ERC2: variants seen among roughly 807,000 people sequenced by gnomAD.
ERC2 encodes ELKS/RAB6-interacting/CAST family member 2, also known as ERC protein 2.
ERC2 carries 42 observed loss-of-function variants against 114.8 expected under a neutral mutation model. The ratio of observed to expected loss-of-function variants is 0.37; its 90% CI spans 0.29 to 0.47. The LOEUF is 0.47. Among genes scored for constraint, ERC2 ranks in the 20% least tolerant of loss-of-function variants. The pLI is 0.99. For missense variants in ERC2, 939 were observed against 1,150.7 expected, an observed-to-expected ratio of 0.82 and a Z score of 2.66; for synonymous variants, 454 against 425.5, an observed-to-expected ratio of 1.07 and a Z score of -0.82.
At chr3:56,249,528 G>A (rs528578597) in intron 3 of ERC2, among the ~76,000 whole-genome samples, 69 of 151,968 alleles carry the variant, frequency 4.5e-4, no homozygotes, top group African/African-American at 1.5e-3. Context: ...GGGTTTCACT[G>A]TGTTAGCCAG....
At chr3:56,225,419 T>C (rs75467086) in intron 3 of ERC2, among the ~76,000 whole-genome samples, 4,447 of 152,300 alleles carry the variant, frequency 0.029, 70 homozygotes, top group Middle Eastern at 0.058. Context: ...CAGACAATAA[T>C]GTCACTGTGC....
chr3:55,864,128 CATATATATATACATATAT>C (rs2062161920), intron 14 of ERC2, among the ~76,000 whole-genome samples: 7 of 115,268 alleles, frequency 6.1e-5, no homozygotes, highest in Admixed American at 1.6e-4. Flanking sequence ...TACACACACA[CATATATATATACATATAT>C]ATATATATAC....
intron 13 of ERC2, among the ~76,000 whole-genome samples, chr3:55,911,102 C>T (rs1018674253): frequency 4.6e-5 from 7 of 152,146 alleles, no homozygotes; most frequent in Admixed American, 4.6e-4. Flanking sequence ...TATTTCACAA[C>T]TTCATCTAAA....
chr3:55,901,342 T>C (rs1429988457), intron 13 of ERC2, among the ~76,000 whole-genome samples: 1 of 152,038 alleles, frequency 6.6e-6, no homozygotes, highest in Admixed American at 6.5e-5. Context: ...GGTCTCCACT[T>C]AGAGTCTCAT....
intron 17 of ERC2, among the ~76,000 whole-genome samples, chr3:55,517,049 G>A (rs2052562295): frequency 1.3e-5 from 2 of 152,188 alleles, no homozygotes; most frequent in South Asian, 2.1e-4. Context: ...CCTCCTTGAG[G>A]CAAGCATTTC....
At chr3:56,207,990 G>A (rs2048842854) in intron 3 of ERC2, among the ~76,000 whole-genome samples, 1 of 152,046 alleles carries the variant, frequency 6.6e-6, no homozygotes, top group Non-Finnish European at 1.5e-5. Flanking sequence ...CTGTCTTGTA[G>A]ATGGCATTTG....
intron 2 of ERC2, among the ~76,000 whole-genome samples, chr3:56,400,011 T>A (rs2060462657): frequency 6.6e-6 from 1 of 150,386 alleles, no homozygotes; most frequent in Non-Finnish European, 1.5e-5. Context: ...AATTCTGATT[T>A]AAGCAAATTT....
chr3:55,879,274 C>T (rs1293244241), intron 14 of ERC2, among the ~76,000 whole-genome samples: 1 of 152,028 alleles, frequency 6.6e-6, no homozygotes, highest in African/African-American at 2.4e-5. Flanking sequence ...AAAATTTCCT[C>T]TGCAGCATGC....
In ERC2 at chr3:55,776,841, G is replaced by A. The variant is rs1233804515; in HGVS notation, c.2565-41923C>T. Among the ~76,000 whole-genome samples the A allele has an allele frequency of 2.6e-5, 4 of 152,164 alleles. No individual in the cohort carries two copies. In the East Asian group the frequency reaches 7.7e-4, roughly 29 times the overall value. On this transcript the variant is annotated intron_variant, in intron 14 of 17. Transcript: ENST00000288221. ...CCCAACATGGCAAACACACACAAAC[G>A]CTAGGCAGTGTGGTTGGCATTAGCA...
chr3:56,278,691 C>T (rs910740008), intron 3 of ERC2, among the ~76,000 whole-genome samples: 31 of 152,220 alleles, frequency 2.0e-4, no homozygotes, highest in African/African-American at 4.3e-4. Flanking sequence ...ACACAGGCAT[C>T]TGCTCAGCTT....
chr3:56,321,535 G>C (rs748103687), intron 2 of ERC2, among the ~76,000 whole-genome samples: 1 of 152,164 alleles, frequency 6.6e-6, no homozygotes, highest in Non-Finnish European at 1.5e-5. Context: ...GGGAACACAA[G>C]GGGGAGGCTT....
At chr3:55,710,835 C>T (rs2063740983) in intron 15 of ERC2, among the ~76,000 whole-genome samples, 1 of 152,156 alleles carries the variant, frequency 6.6e-6, no homozygotes, top group Non-Finnish European at 1.5e-5. Context: ...AATGTTAATA[C>T]TGGGCCACAT....
chr3:55,932,569 C>A (rs1427975154), intron 13 of ERC2, among the ~76,000 whole-genome samples: 1 of 152,148 alleles, frequency 6.6e-6, no homozygotes, highest in Non-Finnish European at 1.5e-5. Context: ...CTGGCTTCTG[C>A]TCTGCCTTCA....
chr3:56,357,180 G>A (rs957301402), intron 2 of ERC2, among the ~76,000 whole-genome samples: 6 of 152,094 alleles, frequency 3.9e-5, no homozygotes, highest in Non-Finnish European at 8.8e-5. Context: ...TAGAGTCAAA[G>A]GGCTCTAAGC....
intron 3 of ERC2, among the ~76,000 whole-genome samples, chr3:56,248,569 T>A (rs548538558): frequency 9.2e-5 from 14 of 152,356 alleles, no homozygotes; most frequent in South Asian, 6.2e-4. Context: ...AGCTCCCTAC[T>A]CTGCTTTCAA....
intron 1 of ERC2, among the ~76,000 whole-genome samples, chr3:56,442,651 G>C (rs2062372685): frequency 6.6e-6 from 1 of 152,180 alleles, no homozygotes; most frequent in Admixed American, 6.5e-5. Context: ...AGATGTCTCA[G>C]AGACTTTTAG....
At chr3:55,838,679 T>G (rs1283411006) in intron 14 of ERC2, among the ~76,000 whole-genome samples, 1 of 151,728 alleles carries the variant, frequency 6.6e-6, no homozygotes, top group East Asian at 1.9e-4. Flanking sequence ...AAAAGATCAC[T>G]TAAGTTGATA....
chr3:56,067,769 A>C (rs570924925), intron 7 of ERC2, among the ~76,000 whole-genome samples: 1 of 152,312 alleles, frequency 6.6e-6, no homozygotes, highest in South Asian at 2.1e-4. Flanking sequence ...AATTTTATCA[A>C]AGGCCTTTTC....
At chr3:55,959,777 T>G (rs2068229206) in intron 12 of ERC2, among the ~76,000 whole-genome samples, 2 of 152,212 alleles carry the variant, frequency 1.3e-5, no homozygotes, top group African/African-American at 4.8e-5. Context: ...TTTTTCACAT[T>G]GTTAAGCATT....
Sources: allele counts gnomAD v4.1 joint callset (sites outside exome capture counted in the v4.1 genomes callset), GRCh38; gene constraint gnomAD v4.1.1; transcripts MANE v1.5; gene names NCBI Gene and HGNC (gene_info 2026-07-23, HGNC 2026-07-21).